The following NEBL variants were observed in gnomAD, a reference collection of about 807,000 sequenced individuals.
NEBL encodes LIM and SH3 protein 2.
In NEBL, 122 loss-of-function variants were observed where a neutral mutation model predicts 140.2. The ratio of observed to expected loss-of-function variants is 0.87; its 90% confidence interval spans 0.75 to 1.01. NEBL has a LOEUF of 1.01. NEBL is among the 50% of genes least tolerant of loss of function. The pLI is 0.00. For missense variants in NEBL, 1,365 were observed against 1,231.3 expected, an observed-to-expected ratio of 1.11 and a Z score of -1.62; for synonymous variants, 436 against 398.9, an observed-to-expected ratio of 1.09 and a Z score of -1.11.
intron 3 of NEBL, among the ~76,000 whole-genome samples, chr10:21,181,471 C>T (rs1841386711): frequency 6.6e-6 from 1 of 152,010 alleles, no homozygotes; most frequent in Non-Finnish European, 1.5e-5. Context: ...TCCCCATATG[C>T]AGGAACCCAG....
intron 5 of NEBL, among the ~76,000 whole-genome samples, chr10:20,874,572 G>A (rs1224899616): frequency 6.6e-6 from 1 of 152,158 alleles, no homozygotes; most frequent in African/African-American, 2.4e-5. Context: ...TGGGAAGAGA[G>A]GAAGAGTACT....
intron 3 of NEBL, among the ~76,000 whole-genome samples, chr10:20,985,251 G>A (rs1459705213): frequency 2.0e-5 from 3 of 152,118 alleles, no homozygotes; most frequent in Admixed American, 2.0e-4. Flanking sequence ...CTATGGTGAA[G>A]AAAATGCCCC....
At chr10:20,825,980 G>C (rs910432837) in intron 18 of NEBL, among the ~76,000 whole-genome samples, 1 of 152,174 alleles carries the variant, frequency 6.6e-6, no homozygotes, top group African/African-American at 2.4e-5. Flanking sequence ...AAAAAGCTTA[G>C]AGATGTGACT....
intron 4 of NEBL, among the ~76,000 whole-genome samples, chr10:20,958,545 A>G (rs1835911428): frequency 6.6e-6 from 1 of 152,200 alleles, no homozygotes; most frequent in African/African-American, 2.4e-5. Flanking sequence ...CCCAAGCCTA[A>G]CATTCAATTT....
At chr10:21,233,097 C>G (rs962951014) in intron 3 of NEBL, among the ~76,000 whole-genome samples, 8 of 152,210 alleles carry the variant, frequency 5.3e-5, no homozygotes, top group Admixed American at 3.9e-4. Context: ...GAGTCTCACT[C>G]TGTTACCAAG....
chr10:20,907,450 A>G lies in NEBL; in HGVS notation c.357+54222T>C, dbSNP rs188474823. Among the ~76,000 whole-genome samples the G allele has an allele frequency of 4.8e-3, 728 of 152,288 alleles. 6 individuals carry two copies. The highest frequency in any genetic ancestry group is 0.017 in the African/African-American group (695 of 41,582). ...AATTTTCTGTCTGATACATACTTAT[A>G]TGACTGAATAATAAACATTCGATAA... is the stretch of plus-strand genomic sequence containing the variant. On this transcript the variant is annotated intron_variant, in intron 4 of 6. Coordinates refer to the NEBL transcript ENST00000417816.
chr10:21,129,414 T>A (rs1300158649), intron 2 of NEBL, among the ~76,000 whole-genome samples: 1 of 152,086 alleles, frequency 6.6e-6, no homozygotes, highest in African/African-American at 2.4e-5. Context: ...GCCTGGCTTC[T>A]TATTCTTAAT....
chr10:20,981,357 T>C (rs922384238), intron 3 of NEBL, among the ~76,000 whole-genome samples: 5 of 151,460 alleles, frequency 3.3e-5, no homozygotes, highest in Non-Finnish European at 7.4e-5. Flanking sequence ...AGGAAAATTA[T>C]TTATCTCACC....
rs530941899 is a variant in NEBL at position 20,983,635 on chromosome 10, G to A, written c.250-21856C>T. ...ACTAGCGCAGTCTAATTGTGTACAAGGCAAAGAGAAATTAAAGTAATTGGT... is the reference window on the plus strand; with the variant it reads ...ACTAGCGCAGTCTAATTGTGTACAAAGCAAAGAGAAATTAAAGTAATTGGT... On this transcript the variant is annotated intron_variant, in intron 3 of 6. Transcript: ENST00000417816. 3.9e-5 allele frequency among the ~76,000 whole-genome samples: 6 copies of A among 152,316 alleles called. No individual in the cohort carries two copies. In the South Asian group the frequency reaches 1.0e-3, roughly 26 times the overall value.
At chr10:20,959,829 A>C (rs1835973035) in intron 4 of NEBL, among the ~76,000 whole-genome samples, 1 of 151,998 alleles carries the variant, frequency 6.6e-6, no homozygotes, top group Non-Finnish European at 1.5e-5. Flanking sequence ...TTTAAAAATC[A>C]GAGTTGTCTA....
intron 2 of NEBL, chr10:21,029,135 A>T: frequency 6.9e-6 from 9 of 1,298,932 alleles, no homozygotes; most frequent in South Asian, 5.9e-5. Flanking sequence ...GCAACAGATG[A>T]CCTGGAAGGA....
intron 1 of NEBL, among the ~76,000 whole-genome samples, chr10:21,255,008 T>C (rs1588567734): frequency 6.6e-6 from 1 of 152,286 alleles, no homozygotes; most frequent in East Asian, 1.9e-4. Context: ...AATGCTGATG[T>C]AGCTGGAGTT....
intron 3 of NEBL, among the ~76,000 whole-genome samples, chr10:20,976,032 G>C (rs542368872): frequency 6.6e-6 from 1 of 152,118 alleles, no homozygotes; most frequent in South Asian, 2.1e-4. Flanking sequence ...ACAAAAATAT[G>C]CTTCCAAGTT....
intron 1 of NEBL, among the ~76,000 whole-genome samples, chr10:21,292,226 T>C (rs1184902356): frequency 1.3e-5 from 2 of 152,246 alleles, no homozygotes; most frequent in African/African-American, 4.8e-5. Flanking sequence ...GTTTATTTTG[T>C]ATAAAAGTTA....
chr10:21,087,059 T>C (rs1836668071), intron 2 of NEBL, among the ~76,000 whole-genome samples: 1 of 152,206 alleles, frequency 6.6e-6, no homozygotes, highest in African/African-American at 2.4e-5. Context: ...TGCCTCTCTC[T>C]CTTCTGAGCT....
chr10:20,886,883 C>T (rs539139103), intron 4 of NEBL, among the ~76,000 whole-genome samples: 38 of 152,256 alleles, frequency 2.5e-4, no homozygotes, highest in African/African-American at 8.7e-4. Context: ...GAAGCATATC[C>T]TTAGAAAGAA....
intron 2 of NEBL, among the ~76,000 whole-genome samples, chr10:21,069,072 A>G (rs533510807): frequency 6.6e-5 from 10 of 152,176 alleles, no homozygotes; most frequent in African/African-American, 2.4e-4. Flanking sequence ...TATTTTTTGT[A>G]GAGACAGTGT....
intron 4 of NEBL, among the ~76,000 whole-genome samples, chr10:20,902,876 G>T (rs1055570414): frequency 4.6e-5 from 7 of 152,140 alleles, no homozygotes; most frequent in African/African-American, 1.7e-4. Flanking sequence ...AGAGTTTTAT[G>T]TGAGATGTGT....
At chr10:20,864,369 C>T (rs1003579168) in intron 7 of NEBL, among the ~76,000 whole-genome samples, 5 of 152,012 alleles carry the variant, frequency 3.3e-5, no homozygotes, top group African/African-American at 1.2e-4. Context: ...ATGTATATTG[C>T]AAATTTTAAA....
Sources: allele counts gnomAD v4.1 joint callset (sites outside exome capture counted in the v4.1 genomes callset), GRCh38; gene constraint gnomAD v4.1.1; transcripts MANE v1.5; gene names NCBI Gene and HGNC (gene_info 2026-07-23, HGNC 2026-07-21).